ANKFN1: variants seen among roughly 807,000 people sequenced by gnomAD.
The protein encoded by ANKFN1 is ankyrin repeat and fibronectin type III domain containing 1, also known as ankyrin repeat and fibronectin type-III domain-containing protein 1.
ANKFN1 carries 74 observed loss-of-function variants against 108.7 expected under a neutral mutation model. The ratio of observed to expected loss-of-function variants is 0.68; its 90% CI spans 0.56 to 0.83. The LOEUF (loss-of-function observed/expected upper bound fraction) is 0.83, where lower values mean the gene tolerates loss of function less well. Ranked by LOEUF, ANKFN1 falls within the 40% of genes least tolerant of loss-of-function variation. ANKFN1 has a pLI of 0.00. For missense variants in ANKFN1, 1,505 were observed against 1,382.3 expected, an observed-to-expected ratio of 1.09 and a Z score of -1.41; for synonymous variants, 547 against 516.2, an observed-to-expected ratio of 1.06 and a Z score of -0.81.
At chr17:56,220,696 A>AGGAAAGGGAAAGGGAAAGG (rs1915769235) in intron 2 of ANKFN1, among the ~76,000 whole-genome samples, 3 of 146,682 alleles carry the variant, frequency 2.0e-5, no homozygotes. Context: ...AAGAAAGGAA[A>AGGAAAGGGAAAGGGAAAGG]GGAAAGGGAA....
rs914844266 is a variant in ANKFN1 at position 56,085,710 on chromosome 17, C to A, written c.288+39385C>A. 1.1e-4 allele frequency among the ~76,000 whole-genome samples: 16 copies of A among 151,184 alleles called. 1 individual carries two copies. The highest frequency in any genetic ancestry group is 3.6e-4 in the African/African-American group (15 of 41,186). On this transcript the variant is annotated intron_variant, in intron 4 of 12. Transcript: ENST00000635860. The stretch of plus-strand genomic sequence containing the variant: ...AGGGACTTTCATGAAGCAGCAACAC[C>A]ATTTGGTTCAACTCAAAGCTCCCTG...
At chr17:56,127,040 G>C (rs1481453489) in intron 4 of ANKFN1, among the ~76,000 whole-genome samples, 1 of 152,156 alleles carries the variant, frequency 6.6e-6, no homozygotes, top group Non-Finnish European at 1.5e-5. Flanking sequence ...CTTAAAAGGG[G>C]CACTGAAGCT....
At chr17:56,127,674 T>A (rs1457658056) in intron 4 of ANKFN1, among the ~76,000 whole-genome samples, 1 of 152,174 alleles carries the variant, frequency 6.6e-6, no homozygotes, top group African/African-American at 2.4e-5. Context: ...CATAATGCAT[T>A]AGTTTCTCAC....
chr17:56,182,961 G>A (rs4505399), intron 1 of ANKFN1, among the ~76,000 whole-genome samples: 72,450 of 152,008 alleles, frequency 0.48, 17,461 homozygotes, highest in South Asian at 0.64. Flanking sequence ...ATGGATGACA[G>A]CACATCTGTT....
At chr17:56,341,638 G>T (rs1827844837) in intron 4 of ANKFN1, among the ~76,000 whole-genome samples, 1 of 151,624 alleles carries the variant, frequency 6.6e-6, no homozygotes, top group Admixed American at 6.6e-5. Flanking sequence ...AACCAACTTT[G>T]CATCCTAAGG....
At chr17:56,268,099 A>G (rs1205203957) in intron 3 of ANKFN1, among the ~76,000 whole-genome samples, 1 of 152,220 alleles carries the variant, frequency 6.6e-6, no homozygotes, top group Non-Finnish European at 1.5e-5. Context: ...AGATATGTAC[A>G]GAATACTCCA....
At chr17:56,358,616 C>T (rs1483079028) in intron 6 of ANKFN1, among the ~76,000 whole-genome samples, 1 of 152,150 alleles carries the variant, frequency 6.6e-6, no homozygotes, top group Non-Finnish European at 1.5e-5. Flanking sequence ...AATATTCTTT[C>T]CTTGCAGAAA....
At chr17:56,245,773 C>T (rs941691003) in intron 3 of ANKFN1, 7 of 152,058 alleles carry the variant, frequency 4.6e-5, no homozygotes, top group African/African-American at 1.7e-4. Flanking sequence ...ACCAGAGAGT[C>T]CTACTTTGAC....
chr17:56,173,753 C>A (rs1418520598), intron 1 of ANKFN1, among the ~76,000 whole-genome samples: 1 of 152,198 alleles, frequency 6.6e-6, no homozygotes, highest in African/African-American at 2.4e-5. Context: ...TAAGTCACCA[C>A]ACCCAGCCAG....
chr17:56,446,961 G>T (rs2049316702), intron 10 of ANKFN1, among the ~76,000 whole-genome samples: 1 of 151,758 alleles, frequency 6.6e-6, no homozygotes, highest in South Asian at 2.1e-4. Context: ...AGTGGCTCAT[G>T]CCTGTAGTCC....
intron 1 of ANKFN1, among the ~76,000 whole-genome samples, chr17:56,165,304 C>T (rs933423918): frequency 6.6e-6 from 1 of 152,022 alleles, no homozygotes; most frequent in Non-Finnish European, 1.5e-5. Context: ...CCATCGAGTC[C>T]GTGTTCCATG....
At chr17:56,093,436 T>C (rs1431376861) in intron 4 of ANKFN1, among the ~76,000 whole-genome samples, 1 of 151,152 alleles carries the variant, frequency 6.6e-6, no homozygotes, top group Non-Finnish European at 1.5e-5. Flanking sequence ...ATAGGGAAGA[T>C]TTTAAGCATC....
intron 4 of ANKFN1, among the ~76,000 whole-genome samples, chr17:56,098,417 AACAC>A (rs139037719): frequency 3.4e-5 from 5 of 146,588 alleles, no homozygotes; most frequent in Admixed American, 2.0e-4. Flanking sequence ...CATACACACA[AACAC>A]ACACACACAC....
Position 56,440,389 on chromosome 17 carries a change from C to T in ANKFN1, c.973C>T (p.Gln325Ter). 6.2e-7 allele frequency: 1 copy of T among 1,612,508 alleles called. No individual in the cohort carries two copies. Among genetic ancestry groups the T allele is most frequent in the Non-Finnish European group, 8.5e-7 (1 of 1,178,968 alleles). The change falls in exon 9 of 21, where the codon CAG becomes TAG. Residue 325 changes from glutamine (Q) to a stop codon, truncating the protein, a stop_gained. Transcript: ENST00000682825. LOFTEE classifies it high-confidence loss of function. Reference protein sequence around the residue: ...LAGEIIMDNLQTLRCTITGLT... With the variant: ...LAGEIIMDNL Reference sequence around the variant, plus strand: ...TGGAGAAATCATCATGGATAATCTGCAGACTCTGAGATGCACAATCACAGG... The same window carrying T: ...TGGAGAAATCATCATGGATAATCTGTAGACTCTGAGATGCACAATCACAGG...
chr17:56,064,664 A>G (rs1347384723), intron 4 of ANKFN1, among the ~76,000 whole-genome samples: 1 of 152,208 alleles, frequency 6.6e-6, no homozygotes, highest in East Asian at 1.9e-4. Flanking sequence ...CATGTTAGGC[A>G]TTTGTGACTC....
rs375016881 is a variant in ANKFN1 at position 56,350,193 on chromosome 17, A to T, written c.189-573A>T. ...TGGACCTATGGGTACAAATTCCCCA[A>T]ATTTATGCATACTGGGATAGTTCAC... On this transcript the variant is annotated intron_variant, in intron 4 of 20. Coordinates refer to ENST00000682825, the MANE Select transcript of ANKFN1 (RefSeq NM_001370326.1). Among the ~76,000 whole-genome samples the T allele has an allele frequency of 2.0e-5, 3 of 152,270 alleles. No homozygotes were observed. In the South Asian group the frequency reaches 6.2e-4, roughly 32 times the overall value.
At chr17:56,384,717 C>G (rs1446379933) in intron 8 of ANKFN1, among the ~76,000 whole-genome samples, 1 of 152,062 alleles carries the variant, frequency 6.6e-6, no homozygotes, top group African/African-American at 2.4e-5. Context: ...CTCCCATTCA[C>G]AATTGCTTCA....
At chr17:56,325,553 C>A (rs567893938) in intron 3 of ANKFN1, among the ~76,000 whole-genome samples, 17 of 152,186 alleles carry the variant, frequency 1.1e-4, no homozygotes, top group Non-Finnish European at 2.1e-4. Flanking sequence ...CTCTTGCTGT[C>A]CTAAGTCCCA....
Position 56,466,061 on chromosome 17 carries a change from G to A in ANKFN1, c.1558-295G>A, listed in dbSNP as rs144358570. 2.9e-3 allele frequency among the ~76,000 whole-genome samples: 444 copies of A among 152,222 alleles called. 2 individuals are homozygous for A. Among genetic ancestry groups the A allele is most frequent in the African/African-American group, 0.01 (419 of 41,522 alleles). On this transcript the variant is annotated intron_variant, in intron 14 of 20. Transcript: ENST00000682825. Reference sequence around the variant, plus strand: ...GGTTTATGTACTGGTGTGCCTATGTGGGTAAGAAATATGTACAGATACTGA... The same window carrying A: ...GGTTTATGTACTGGTGTGCCTATGTAGGTAAGAAATATGTACAGATACTGA...
Sources: gnomAD v4.1 joint callset for allele counts (sites outside exome capture counted in the v4.1 genomes callset) on GRCh38, gnomAD v4.1.1 for gene constraint, MANE v1.5 for transcripts, NCBI Gene and HGNC (gene_info 2026-07-23, HGNC 2026-07-21) for gene names.